Variants in PIGF observed in about 807,000 individuals in gnomAD.
PIGF encodes GPI ethanolamine phosphate transferase, stabilizing subunit.
In PIGF, 23 loss-of-function variants were observed where a neutral mutation model predicts 26.0. The ratio of observed to expected loss-of-function variants is 0.88; its 90% CI spans 0.64 to 1.25. The LOEUF (loss-of-function observed/expected upper bound fraction) is 1.25, where lower values mean the gene tolerates loss of function less well. Among genes scored for constraint, PIGF ranks in the 50% most tolerant of loss-of-function variants. The pLI is 0.00. For synonymous variants in PIGF, 93 were observed against 92.6 expected (o/e 1.00, Z -0.03); for missense variants, 278 against 249.9 (o/e 1.11, Z -0.76).
Position 46,581,576 on chromosome 2 carries a change from A to G in PIGF, c.562T>C (p.Cys188Arg), listed in dbSNP as rs1199012920. ...ERPWQVWPIS[C>R]TLGATFGYVA... ...TAGCCAAAGGTCGCTCCAAGCGTAC[A>G]GGAGATGGGCCATACCTGAGGAGAG... Residue 188 changes from cysteine to arginine, a missense_variant, in exon 6 of 6, where the codon TGT becomes CGT. Cys to Arg is a radical substitution (Grantham distance 180, BLOSUM62 -3). Transcript: ENST00000281382. 8.7e-6 allele frequency: 14 copies of G among 1,611,468 alleles called. No individual in the cohort carries two copies. The highest frequency in any genetic ancestry group is 1.1e-5 in the Non-Finnish European group (13 of 1,179,492).
Position 46,613,772 on chromosome 2 carries a change from A to C in PIGF, c.242T>G (p.Leu81Trp). Residue 81 changes from leucine (L) to tryptophan (W), a missense_variant, in exon 3 of 6, where the codon TTG (leucine) becomes TGG (tryptophan). Physicochemically the swap from Leu to Trp is moderately conservative, Grantham distance 61 (BLOSUM62 -2). Transcript: ENST00000281382. ...CATAAGAAAGTAGATACAGCATTTC[A>C]AAAATCCAGTTACCTAAAAGAGAAA... ...SSLSHKVTGF[L>W]KCCIYFLMSC... The C allele has an allele frequency of 6.4e-7, 1 of 1,552,600 alleles. No homozygotes were observed. The highest frequency in any genetic ancestry group is 2.3e-5 in the East Asian group (1 of 44,382).
intron 5 of PIGF, among the ~76,000 whole-genome samples, chr2:46,584,457 CATTTTGTA>C (rs982467485): frequency 8.1e-4 from 123 of 152,270 alleles, no homozygotes; most frequent in African/African-American, 2.9e-3. Context: ...GTATTTTAAT[CATTTTGTA>C]ATTTCAGTAT....
chr2:46,607,013 C>T (rs1261206911), intron 4 of PIGF, among the ~76,000 whole-genome samples: 2 of 152,154 alleles, frequency 1.3e-5, no homozygotes, highest in Non-Finnish European at 2.9e-5. Flanking sequence ...CAAAAGATCA[C>T]ATAAGACCCA....
In PIGF at chr2:46,581,492, A is replaced by G. The variant is rs776499331; in HGVS notation, c.646T>C (p.Tyr216His). 23 of 1,611,112 alleles carry G rather than the reference A, an allele frequency of 1.4e-5. No homozygotes were observed. The highest frequency in any genetic ancestry group is 1.7e-5 in the Non-Finnish European group (20 of 1,179,414). Residue 216 changes from tyrosine to histidine, a missense_variant, in exon 6 of 6, where the codon TAC (tyrosine) becomes CAC (histidine). Physicochemically the swap from Tyr to His is moderately conservative, Grantham distance 83 (BLOSUM62 2). Transcript: ENST00000281382. ...CTTTGCTCCAGTTAATTGTTCTTGTATGTAAGTTGCTTTCTATTCCAGTAT... is the reference window on the plus strand; with the variant it reads ...CTTTGCTCCAGTTAATTGTTCTTGTGTGTAAGTTGCTTTCTATTCCAGTAT... ...WIYWNRKQLT[Y>H]KNN
At position 46,589,946 on chromosome 2, in the gene PIGF, T is replaced by C. The variant is rs1669679488; in HGVS notation, c.546+2529A>G. Among the ~76,000 whole-genome samples, 1 of 152,088 alleles carries C rather than the reference T, an allele frequency of 6.6e-6. No individual in the cohort carries two copies. The highest frequency in any genetic ancestry group is 6.6e-5 in the Admixed American group (1 of 15,264). On this transcript the variant is annotated intron_variant, in intron 5 of 5. Coordinates refer to ENST00000281382, the MANE Select transcript of PIGF (RefSeq NM_002643.4). The surrounding 1 kb of genome is among the most constrained non-coding windows in gnomAD (Gnocchi z 4.7). ...AAGGGCAAGGAGCAGATGAGTGCTA[T>C]ATGAATAAAAGATTTTTAATTATAC...
chr2:46,600,962 T>G (rs898039828), intron 4 of PIGF, among the ~76,000 whole-genome samples: 2 of 151,940 alleles, frequency 1.3e-5, no homozygotes, highest in Non-Finnish European at 2.9e-5. Flanking sequence ...AATCTGCTAG[T>G]TGTTCATTGC....
At chr2:46,584,555 C>A (rs1424127484) in intron 5 of PIGF, among the ~76,000 whole-genome samples, 1 of 152,056 alleles carries the variant, frequency 6.6e-6, no homozygotes, top group Non-Finnish European at 1.5e-5. Flanking sequence ...CAACAGAATG[C>A]CAAAAATGAA....
Position 46,592,579 on chromosome 2 carries a change from T to A in PIGF, c.442A>T (p.Thr148Ser). 1 of 1,557,966 alleles carries A rather than the reference T, an allele frequency of 6.4e-7. No homozygotes were observed. The highest frequency in any genetic ancestry group is 8.9e-7 in the Non-Finnish European group (1 of 1,128,670). ...TGGAGACTATTCTCCCATATGGATGTAACTCTGTGAAACACAAATTGGTAC... is the reference window on the plus strand; with the variant it reads ...TGGAGACTATTCTCCCATATGGATGAAACTCTGTGAAACACAAATTGGTAC... The part of the protein sequence containing the change: ...WLRVFSRNGV[T>S]SIWENSLQIT... The change falls in exon 5 of 6, where the codon ACA (threonine) becomes TCA (serine). Residue 148 changes from threonine (T) to serine (S), a missense_variant. Thr to Ser is a moderately conservative substitution (Grantham distance 58, BLOSUM62 1). Transcript: ENST00000281382.
intron 4 of PIGF, among the ~76,000 whole-genome samples, chr2:46,607,045 T>C (rs1670245243): frequency 6.6e-6 from 1 of 152,180 alleles, no homozygotes; most frequent in Non-Finnish European, 1.5e-5. Flanking sequence ...ATTTCCAGGA[T>C]AGGCAAATCT....
chr2:46,601,526 C>G (rs1670053940), intron 4 of PIGF, among the ~76,000 whole-genome samples: 1 of 152,050 alleles, frequency 6.6e-6, no homozygotes, highest in South Asian at 2.1e-4. Flanking sequence ...CTGCTAGTCT[C>G]TTCATCTAAA....
At position 46,615,029 on chromosome 2, in the gene PIGF, T is replaced by C. The variant is rs778768853; in HGVS notation, c.136A>G (p.Ile46Val). The change falls in exon 2 of 6, where the codon ATC (isoleucine) becomes GTC (valine). Residue 46 changes from isoleucine to valine, a missense_variant. Physicochemically the swap from Ile to Val is conservative, Grantham distance 29. Transcript: ENST00000281382. Reference sequence around the variant, plus strand: ...ACAGCAGTTACAAAACCAGAACAGATGCACAACCATGTCAAGTGTGTTTCC... The same window carrying C: ...ACAGCAGTTACAAAACCAGAACAGACGCACAACCATGTCAAGTGTGTTTCC... ...ILETHLTWLC[I>V]CSGFVTAVNL... 3 of 1,607,950 alleles carry C rather than the reference T, an allele frequency of 1.9e-6. No individual in the cohort carries two copies. The highest frequency in any genetic ancestry group is 1.3e-5 in the African/African-American group (1 of 74,812).
At chr2:46,601,316 C>T (rs942995441) in intron 4 of PIGF, among the ~76,000 whole-genome samples, 4 of 152,060 alleles carry the variant, frequency 2.6e-5, no homozygotes, top group Admixed American at 6.6e-5. Context: ...TGACACTGTG[C>T]TCCAACTATT....
At chr2:46,586,864 A>G (rs1036645503) in intron 5 of PIGF, among the ~76,000 whole-genome samples, 3 of 152,228 alleles carry the variant, frequency 2.0e-5, no homozygotes, top group African/African-American at 7.2e-5. Context: ...CTAGTTAAAA[A>G]TCTACACTCA....
intron 2 of PIGF, 77 bp downstream of exon 2, chr2:46,614,860 T>C: frequency 1.4e-6 from 1 of 695,152 alleles, no homozygotes; most frequent in African/African-American, 1.8e-5. Context: ...TAATAAAGAC[T>C]TGATGAATAC....
intron 4 of PIGF, among the ~76,000 whole-genome samples, chr2:46,602,433 A>G (rs1341884991): frequency 6.6e-6 from 1 of 151,940 alleles, no homozygotes. Context: ...ACTAGTATAT[A>G]AACTTATTTC....
At chr2:46,610,554 G>A (rs1250029891) in intron 4 of PIGF, among the ~76,000 whole-genome samples, 1 of 111,854 alleles carries the variant, frequency 8.9e-6, no homozygotes, top group African/African-American at 3.7e-5. Flanking sequence ...TTTTGAGACA[G>A]ATTCTCACTA....
rs182015024 is a variant in PIGF at position 46,610,619 on chromosome 2, T to G, written c.437+1609A>C. Among the ~76,000 whole-genome samples the G allele has an allele frequency of 2.2e-4, 30 of 139,200 alleles. No homozygotes were observed. The East Asian group carries it at 5.7e-3, about 26-fold the overall frequency. The allele number at this position is 139,200 out of a possible 152,430, so 91.3% of individuals were successfully genotyped here. A position where few individuals can be genotyped will look rare whatever the true frequency, so the allele number is the denominator to read the frequency against. ...ATCTCGGCTCACTGCAACCTCCGCCTCCTGGGTTCAAGCAATTCTCCTGCC... is the reference window on the plus strand; with the variant it reads ...ATCTCGGCTCACTGCAACCTCCGCCGCCTGGGTTCAAGCAATTCTCCTGCC... On this transcript the variant is annotated intron_variant, in intron 4 of 5. Coordinates refer to ENST00000281382, the MANE Select transcript of PIGF (RefSeq NM_002643.4).
chr2:46,607,973 C>T (rs1670278096), intron 4 of PIGF, among the ~76,000 whole-genome samples: 2 of 152,192 alleles, frequency 1.3e-5, no homozygotes, highest in South Asian at 4.1e-4. Context: ...GCTGGGATTA[C>T]AGGCACGACC....
chr2:46,616,942 G>C (rs1164744002), intron 1 of PIGF, 28 bp downstream of exon 1: 44 of 307,562 alleles, frequency 1.4e-4, no homozygotes, highest in South Asian at 8.3e-4. Flanking sequence ...CGTGAGGCGA[G>C]ACGCCGAGGG....
Sources: gnomAD v4.1 joint callset for allele counts (sites outside exome capture counted in the v4.1 genomes callset) on GRCh38, gnomAD v4.1.1 for gene constraint, Gnocchi (gnomAD v3.1) non-coding constraint, MANE v1.5 for transcripts, NCBI Gene and HGNC (gene_info 2026-07-23, HGNC 2026-07-21) for gene names.